IL1RAPL1: variants seen among roughly 807,000 people sequenced by gnomAD.
IL1RAPL1 encodes the protein interleukin-1 receptor accessory protein-like 1.
Under a neutral mutation model 48.4 loss-of-function variants are expected in IL1RAPL1, and 3 were observed. The ratio of observed to expected loss-of-function variants is 0.06; its 90% CI spans 0.03 to 0.16. The LOEUF is 0.16. Among genes scored for constraint, IL1RAPL1 ranks in the 10% least tolerant of loss-of-function variants. The pLI is 1.00. For synonymous variants in IL1RAPL1, 185 were observed against 187.7 expected (o/e 0.99, Z 0.12); for missense variants, 349 against 530.6 (o/e 0.66, Z 3.36).
At chrX:28,621,252 C>A (rs1038973948) in intron 1 of IL1RAPL1, among the ~76,000 whole-genome samples, 2 of 112,503 alleles carry the variant, frequency 1.8e-5, no homozygotes, top group African/African-American at 6.5e-5. Context: ...GTACCTAATA[C>A]AGTGCCAGGA....
chrX:29,613,948 A>G (rs1424148644), intron 5 of IL1RAPL1, among the ~76,000 whole-genome samples: 2 of 108,149 alleles, frequency 1.8e-5, no homozygotes, highest in Non-Finnish European at 3.8e-5. Flanking sequence ...TATTTTTAGT[A>G]GAGACAGGGT....
chrX:28,813,446 C>A (rs1028600480), intron 2 of IL1RAPL1, among the ~76,000 whole-genome samples: 4 of 110,970 alleles, frequency 3.6e-5, no homozygotes, highest in African/African-American at 1.3e-4. Flanking sequence ...TGCTTTATTG[C>A]CCAGAATGTG....
At chrX:29,558,784 A>G (rs762096026) in intron 5 of IL1RAPL1, among the ~76,000 whole-genome samples, 52 of 111,940 alleles carry the variant, frequency 4.6e-4, no homozygotes, top group Admixed American at 1.4e-3. Flanking sequence ...CACTTGTTGA[A>G]CAGACTGCCC....
At chrX:29,662,441 T>C (rs1925872720) in intron 5 of IL1RAPL1, among the ~76,000 whole-genome samples, 1 of 112,240 alleles carries the variant, frequency 8.9e-6, no homozygotes, top group Non-Finnish European at 1.9e-5. Flanking sequence ...TGGCATTATA[T>C]TGTGTGTGTA....
intron 2 of IL1RAPL1, among the ~76,000 whole-genome samples, chrX:29,075,651 G>T (rs1231023442): frequency 1.8e-5 from 2 of 111,805 alleles, no homozygotes; most frequent in Non-Finnish European, 3.8e-5. Context: ...TATTCTCAAG[G>T]ATAAAATGTT....
intron 2 of IL1RAPL1, among the ~76,000 whole-genome samples, chrX:28,980,325 A>C (rs937180135): frequency 2.0e-4 from 22 of 112,586 alleles, no homozygotes; most frequent in African/African-American, 7.1e-4. Context: ...GCTAGATCAT[A>C]TTCCCACTCC....
intron 5 of IL1RAPL1, among the ~76,000 whole-genome samples, chrX:29,513,393 T>A (rs376350997): frequency 1.2e-4 from 13 of 111,945 alleles, no homozygotes; most frequent in Non-Finnish European, 2.1e-4. Context: ...ATATTATTTT[T>A]AAGTAATAAA....
chrX:29,150,895 C>T (rs1160151704), intron 2 of IL1RAPL1, among the ~76,000 whole-genome samples: 2 of 100,808 alleles, frequency 2.0e-5, no homozygotes, highest in Admixed American at 1.1e-4. Context: ...GCACTCTAGC[C>T]TGGGTGACAG....
At chrX:28,827,757 A>T (rs778618711) in intron 2 of IL1RAPL1, among the ~76,000 whole-genome samples, 241 of 111,993 alleles carry the variant, frequency 2.2e-3, no homozygotes, top group Non-Finnish European at 3.9e-3. Context: ...ATTGAATGTC[A>T]TTGACATTTT....
Position 29,709,510 on chromosome X carries a change from C to CT in IL1RAPL1, c.778+41013dup, listed in dbSNP as rs755445725. ...TCCTGTTCCATTGGTCGATGTGTCT[C>CT]TTTTTTTGTTTTGTTTTGTTTTGTT... On this transcript the variant is annotated intron_variant, in intron 6 of 10. Transcript: ENST00000378993. Among the ~76,000 whole-genome samples the CT allele has an allele frequency of 3.8e-3, 417 of 110,253 alleles. 1 individual carries two copies. Among genetic ancestry groups the CT allele is most frequent in the Non-Finnish European group, 6.6e-3 (348 of 52,717 alleles).
At chrX:28,864,301 A>G (rs762583434) in intron 2 of IL1RAPL1, among the ~76,000 whole-genome samples, 1 of 112,218 alleles carries the variant, frequency 8.9e-6, no homozygotes, top group African/African-American at 3.2e-5. Context: ...AGAAAATACC[A>G]TATTTAAATC....
rs1376792892 is a variant in IL1RAPL1 at position 29,766,685 on chromosome X, AGT to A, written c.778+98182_778+98183del. On this transcript the variant is annotated intron_variant, in intron 6 of 10. Transcript: ENST00000378993. Reference sequence around the variant, plus strand: ...ATTAATATATAATATATAAATATAAAGTATATATTAATATATAATATATAATA... The same window carrying A: ...ATTAATATATAATATATAAATATAAAATATATTAATATATAATATATAATA... 7.8e-5 allele frequency among the ~76,000 whole-genome samples: 6 copies of A among 77,243 alleles called. No homozygotes were observed. In the Admixed American group the frequency reaches 9.6e-4, roughly 12 times the overall value. 67.1% of individuals were successfully genotyped at this position (77,243 alleles called of 115,157 possible).
At chrX:29,954,382 A>T in intron 9 of IL1RAPL1, 140 bp from the exon 10 acceptor site, 1 of 508,994 alleles carries the variant, frequency 2.0e-6, no homozygotes, top group Non-Finnish European at 3.4e-6. Context: ...AACTCAATGA[A>T]ACTTAATGAA....
At chrX:29,143,041 A>G (rs1422773515) in intron 2 of IL1RAPL1, among the ~76,000 whole-genome samples, 4 of 110,964 alleles carry the variant, frequency 3.6e-5, no homozygotes, top group Admixed American at 9.7e-5. Flanking sequence ...AAGAACTCCA[A>G]TCTCTGGAAT....
At chrX:28,755,187 G>T (rs1390582826) in intron 1 of IL1RAPL1, among the ~76,000 whole-genome samples, 1 of 110,611 alleles carries the variant, frequency 9.0e-6, no homozygotes, top group Admixed American at 9.6e-5. Context: ...GTAGAGATGG[G>T]GTTTCACCAT....
chrX:29,668,590 C>A, intron 6 of IL1RAPL1, 86 bp downstream of exon 6: 1 of 674,061 alleles, frequency 1.5e-6, no homozygotes, highest in Non-Finnish European at 2.4e-6. Flanking sequence ...CGATGTAATA[C>A]TCGCAGCTAA....
intron 6 of IL1RAPL1, among the ~76,000 whole-genome samples, chrX:29,844,635 A>G: frequency 8.9e-6 from 1 of 112,364 alleles, no homozygotes; most frequent in Non-Finnish European, 1.9e-5. Context: ...TTTACATAGT[A>G]TTTACATTGT....
chrX:29,137,378 C>T (rs1208799809), intron 2 of IL1RAPL1, among the ~76,000 whole-genome samples: 1 of 111,542 alleles, frequency 9.0e-6, no homozygotes, highest in Admixed American at 9.6e-5. Flanking sequence ...ATATTCCACA[C>T]AAGGTATATA....
rs774517629 is a variant in IL1RAPL1, at chrX:29,853,798, C to T, written c.779-63666C>T. Among the ~76,000 whole-genome samples, 8 of 111,252 alleles carry T rather than the reference C, an allele frequency of 7.2e-5. No homozygotes were observed. In the South Asian group the frequency reaches 1.9e-3, roughly 27 times the overall value. On this transcript the variant is annotated intron_variant, in intron 6 of 10. Coordinates refer to ENST00000378993, the MANE Select transcript of IL1RAPL1 (RefSeq NM_014271.4). ...TCTTTAATTTCTGAATTTTGGCAAT[C>T]CCTTTACGCTTTGGGTGACTGATTA...
Sources: allele counts gnomAD v4.1 joint callset (sites outside exome capture counted in the v4.1 genomes callset), GRCh38; gene constraint gnomAD v4.1.1; transcripts MANE v1.5; gene names NCBI Gene and HGNC (gene_info 2026-07-23, HGNC 2026-07-21).